DNAH5: variants seen among roughly 807,000 people sequenced by gnomAD.
DNAH5 encodes the protein axonemal beta dynein heavy chain 5.
A neutral mutation model predicts 518.2 loss-of-function variants in DNAH5; 372 were observed. That is an observed-to-expected ratio of 0.72 (90% CI 0.66 to 0.78). The LOEUF (loss-of-function observed/expected upper bound fraction) is 0.78. Among genes scored for constraint, DNAH5 ranks in the 30% least tolerant of loss-of-function variants. The pLI is 0.00. For missense variants in DNAH5, 5,523 were observed against 5,687.0 expected (o/e 0.97, Z 0.93); for synonymous variants, 2,039 against 2,025.9 (o/e 1.01, Z -0.17).
At chr5:13,794,110 G>T (rs753172310) in intron 47 of DNAH5, 52 bp from the exon 48 acceptor site, 1 of 1,610,924 alleles carries the variant, frequency 6.2e-7, no homozygotes, top group South Asian at 1.1e-5. Flanking sequence ...CCTAAAACCT[G>T]GTCAATTATT....
Position 13,814,792 on chromosome 5 carries a change from T to C in DNAH5, c.7043A>G (p.Asn2348Ser), listed in dbSNP as rs1761222846. Residue 2348 changes from asparagine to serine, a missense_variant, in exon 43 of 79, where the codon AAT becomes AGT. By Grantham distance (46) the Asn-to-Ser change is conservative (BLOSUM62 1). Coordinates refer to ENST00000265104, the MANE Select transcript of DNAH5 (RefSeq NM_001369.3). Reference sequence around the variant, plus strand: ...GTTATCATCCAAAACAGAATTCAGATTTTCAATCCAGATGGCATCTACTGG... The same window carrying C: ...GTTATCATCCAAAACAGAATTCAGACTTTCAATCCAGATGGCATCTACTGG... ...DGPVDAIWIE[N>S]LNSVLDDNKT... 1.2e-6 allele frequency: 2 copies of C among 1,613,920 alleles called. No homozygotes were observed. Among genetic ancestry groups the C allele is most frequent in the Non-Finnish European group, 1.7e-6 (2 of 1,179,990 alleles).
intron 1 of DNAH5, among the ~76,000 whole-genome samples, chr5:13,939,762 G>A (rs552564520): frequency 6.6e-6 from 1 of 152,104 alleles, no homozygotes; most frequent in South Asian, 2.1e-4. Context: ...CATTTATCCC[G>A]GTGAAGGGCC....
intron 35 of DNAH5, among the ~76,000 whole-genome samples, chr5:13,832,184 CA>C (rs1287122783): frequency 6.6e-6 from 1 of 152,036 alleles, no homozygotes; most frequent in Non-Finnish European, 1.5e-5. Context: ...ATACCAAACA[CA>C]AAAAAGGGAA....
chr5:13,723,175 A>T (rs765781557), intron 70 of DNAH5, among the ~76,000 whole-genome samples: 30 of 152,310 alleles, frequency 2.0e-4, no homozygotes, highest in Non-Finnish European at 4.0e-4. Flanking sequence ...TAAATCTCTA[A>T]CTTGCATATA....
At chr5:13,766,227 G>T in intron 58 of DNAH5, 48 bp from the exon 59 acceptor site, 1 of 1,602,676 alleles carries the variant, frequency 6.2e-7, no homozygotes, top group Non-Finnish European at 8.5e-7. Context: ...GGAAAGCACA[G>T]ACAAGCAAAC....
upstream of DNAH5, among the ~76,000 whole-genome samples, chr5:13,949,168 C>T (rs1780168116): frequency 1.3e-5 from 2 of 152,110 alleles, no homozygotes; most frequent in Non-Finnish European, 2.9e-5. Context: ...AGAAAAAGTA[C>T]ATTTTGGAGA....
chr5:13,829,574 T>C lies in DNAH5; in HGVS notation c.6380A>G (p.Asn2127Ser). The change falls in exon 38 of 79, where the codon AAC becomes AGC. Residue 2127 changes from asparagine (N) to serine (S), a missense_variant. Asn to Ser is a conservative substitution (Grantham distance 46). Around this residue, in one of 3 missense-constraint regions of DNAH5, gnomAD observed 5,121 missense variants for 5,223.3 expected, o/e 0.98. Coordinates refer to ENST00000265104, the MANE Select transcript of DNAH5 (RefSeq NM_001369.3). ...GAAAAACTTCCTGGCCAAAACAACG[T>C]TGTCAATGAAGCCACAACTAGCCAA... ...VKLASCGFIDNVVLARKFFTL... is the reference protein window; with the variant it reads ...VKLASCGFIDSVVLARKFFTL... 1 of 1,614,154 alleles carries C rather than the reference T, an allele frequency of 6.2e-7. No individual in the cohort carries two copies. Among genetic ancestry groups the C allele is most frequent in the Non-Finnish European group, 8.5e-7 (1 of 1,180,020 alleles).
At chr5:13,962,516 C>G (rs1044177360) in intron 1 of DNAH5, among the ~76,000 whole-genome samples, 1 of 152,110 alleles carries the variant, frequency 6.6e-6, no homozygotes, top group Admixed American at 6.5e-5. Context: ...CCAGACACTT[C>G]CTAAAAATTG....
chr5:13,830,218 G>A lies in DNAH5; in HGVS notation c.6062-5C>T, dbSNP rs766043540. 21 of 1,612,738 alleles carry A rather than the reference G, an allele frequency of 1.3e-5. No individual in the cohort carries two copies. Among genetic ancestry groups the A allele is most frequent in the Admixed American group, 6.7e-5 (4 of 59,988 alleles). On this transcript the variant is annotated splice_region_variant and splice_polypyrimidine_tract_variant and intron_variant, in intron 36 of 78. Transcript: ENST00000265104. ...AGGATCCAGACTGTGCCAGTCCTTC[G>A]AAAGGAAATTAAATGAAAAATCCAA... is the stretch of plus-strand genomic sequence containing the variant.
intron 19 of DNAH5, 98 bp downstream of exon 19, chr5:13,884,891 A>G: frequency 7.9e-6 from 12 of 1,518,060 alleles, no homozygotes; most frequent in Non-Finnish European, 1.1e-5. Context: ...ATTTAACAGG[A>G]ATGTACATGC....
At chr5:13,865,618 A>G (rs1561463336) in intron 27 of DNAH5, 50 bp downstream of exon 27, 2 of 1,131,378 alleles carry the variant, frequency 1.8e-6, no homozygotes, top group East Asian at 2.3e-5. Context: ...ATCAAAGAGG[A>G]AAGCATTTGA....
chr5:13,776,672 T>G lies in DNAH5; in HGVS notation c.9140A>C (p.Glu3047Ala). 1 of 1,613,838 alleles carries G rather than the reference T, an allele frequency of 6.2e-7. No individual in the cohort carries two copies. The highest frequency in any genetic ancestry group is 8.5e-7 in the Non-Finnish European group (1 of 1,179,814). ...SNLFARDEID[E>A]INSDLASVMK... ...GACTGATGCCAGGTCGCTATTAATT[T>G]CATCAATTTCATCTCGAGCAAATAG... is the stretch of plus-strand genomic sequence containing the variant. The change falls in exon 55 of 79, where the codon GAA becomes GCA. Residue 3047 changes from glutamate (E) to alanine (A), a missense_variant. By Grantham distance (107) the Glu-to-Ala change is moderately radical (BLOSUM62 -1). Coordinates refer to ENST00000265104, the MANE Select transcript of DNAH5 (RefSeq NM_001369.3).
intron 78 of DNAH5, among the ~76,000 whole-genome samples, chr5:13,696,055 C>A (rs1264946770): frequency 6.6e-6 from 1 of 152,142 alleles, no homozygotes; most frequent in East Asian, 1.9e-4. Context: ...GCTATCCCCA[C>A]CCCAGGCCCA....
At chr5:13,887,750 C>G (rs1255692358) in intron 17 of DNAH5, among the ~76,000 whole-genome samples, 1 of 152,102 alleles carries the variant, frequency 6.6e-6, no homozygotes, top group Non-Finnish European at 1.5e-5. Flanking sequence ...ATATCCTTTA[C>G]TCCATCACTC....
chr5:13,839,680 C>A, intron 34 of DNAH5, 152 bp from the exon 35 acceptor site: 1 of 687,938 alleles, frequency 1.5e-6, no homozygotes, highest in Non-Finnish European at 2.5e-6. Flanking sequence ...ACCAGCCAAG[C>A]TATTCATTTA....
intron 43 of DNAH5, among the ~76,000 whole-genome samples, chr5:13,813,073 C>G (rs146778673): frequency 6.6e-6 from 1 of 152,264 alleles, no homozygotes; most frequent in East Asian, 1.9e-4. Flanking sequence ...TTACTCTGCC[C>G]TCTAATAACT....
At chr5:14,005,123 C>T (rs1784632219) in intron 1 of DNAH5, among the ~76,000 whole-genome samples, 1 of 152,266 alleles carries the variant, frequency 6.6e-6, no homozygotes, top group East Asian at 1.9e-4. Flanking sequence ...TGCACCAAAC[C>T]ACTCAGTCCC....
At chr5:13,914,766 A>AT (rs1580868194) in intron 9 of DNAH5, 124 bp from the exon 10 acceptor site, 40 of 982,212 alleles carry the variant, frequency 4.1e-5, no homozygotes, top group South Asian at 6.1e-5. Context: ...GCTTGGGTTT[A>AT]TTTTTTTTCC....
intron 11 of DNAH5, among the ~76,000 whole-genome samples, chr5:13,912,484 C>T (rs965419709): frequency 6.7e-6 from 1 of 149,924 alleles, no homozygotes; most frequent in Admixed American, 6.6e-5. Context: ...AATATATACA[C>T]ACACACACTA....
Sources: allele counts gnomAD v4.1 joint callset (sites outside exome capture counted in the v4.1 genomes callset), GRCh38; gene constraint gnomAD v4.1.1; regional missense constraint gnomAD v4.1.1; transcripts MANE v1.5; gene names NCBI Gene and HGNC (gene_info 2026-07-23, HGNC 2026-07-21).